The following CNTNAP5 variants were observed in gnomAD, a reference collection of about 807,000 sequenced individuals.
The protein encoded by CNTNAP5 is contactin-associated protein-like 5.
CNTNAP5 carries 72 observed loss-of-function variants against 150.2 expected under a neutral mutation model. That is an observed-to-expected ratio of 0.48 (90% confidence interval 0.40 to 0.58). The LOEUF is 0.58. CNTNAP5 is among the 20% of genes least tolerant of loss of function. The probability of loss-of-function intolerance (pLI) is 0.00; values close to 1 mark genes in which losing one functional copy is unlikely to be tolerated. For synonymous variants in CNTNAP5, 672 were observed against 619.8 expected (o/e 1.08, Z -1.25); for missense variants, 1,636 against 1,626.2 (o/e 1.01, Z -0.10).
intron 3 of CNTNAP5, among the ~76,000 whole-genome samples, chr2:124,360,595 T>G: frequency 7.3e-6 from 1 of 137,814 alleles, no homozygotes; most frequent in African/African-American, 2.7e-5. Flanking sequence ...TATGAAATTC[T>G]GGGTTGAAAA....
At chr2:124,432,391 C>A (rs1323960948) in intron 4 of CNTNAP5, among the ~76,000 whole-genome samples, 1 of 152,120 alleles carries the variant, frequency 6.6e-6, no homozygotes, top group Admixed American at 6.5e-5. Context: ...ACACTGGGTC[C>A]CTCCTTTCCC....
chr2:124,408,564 G>T (rs2104766469), intron 3 of CNTNAP5, among the ~76,000 whole-genome samples: 1 of 151,972 alleles, frequency 6.6e-6, no homozygotes, highest in South Asian at 2.1e-4. Flanking sequence ...CTCCTCAAGT[G>T]GGTCCCTGAC....
intron 3 of CNTNAP5, among the ~76,000 whole-genome samples, chr2:124,257,033 G>A (rs1687331137): frequency 6.6e-6 from 1 of 152,100 alleles, no homozygotes; most frequent in African/African-American, 2.4e-5. Context: ...AGATACTAGA[G>A]CAATGCATAT....
At chr2:124,800,242 T>C (rs1380722581) in intron 19 of CNTNAP5, among the ~76,000 whole-genome samples, 2 of 152,202 alleles carry the variant, frequency 1.3e-5, no homozygotes, top group East Asian at 3.9e-4. Flanking sequence ...ATGCGAGATT[T>C]TTTCCAAAGC....
At chr2:124,109,673 C>T (rs1354925052) in intron 1 of CNTNAP5, among the ~76,000 whole-genome samples, 1 of 152,162 alleles carries the variant, frequency 6.6e-6, no homozygotes, top group Non-Finnish European at 1.5e-5. Context: ...AGCTGGTGAG[C>T]CACAGGTGTG....
At chr2:124,708,870 G>T (rs2105101040) in intron 13 of CNTNAP5, among the ~76,000 whole-genome samples, 1 of 152,252 alleles carries the variant, frequency 6.6e-6, no homozygotes, top group Non-Finnish European at 1.5e-5. Flanking sequence ...TATCTTTGGT[G>T]AAATCTTACC....
chr2:124,618,660 G>C (rs761151833), intron 12 of CNTNAP5, among the ~76,000 whole-genome samples: 1 of 152,144 alleles, frequency 6.6e-6, no homozygotes, highest in Non-Finnish European at 1.5e-5. Flanking sequence ...AATGCTTTTA[G>C]TCAGCCTTCC....
chr2:124,343,572 A>C (rs1054144418), intron 3 of CNTNAP5, among the ~76,000 whole-genome samples: 2 of 152,198 alleles, frequency 1.3e-5, no homozygotes, highest in Admixed American at 6.5e-5. Flanking sequence ...ATGTAGCCAG[A>C]GTGACAATAA....
chr2:124,543,310 TA>T (rs35714087), intron 10 of CNTNAP5, among the ~76,000 whole-genome samples: 63,859 of 149,566 alleles, frequency 0.43, 13,933 homozygotes, highest in East Asian at 0.61. Context: ...TCTTGTGCCT[TA>T]AAAAAAAAAA....
intron 13 of CNTNAP5, among the ~76,000 whole-genome samples, chr2:124,740,060 A>G (rs1464192529): frequency 6.6e-6 from 1 of 150,578 alleles, no homozygotes; most frequent in East Asian, 1.9e-4. Context: ...ACATCATTAC[A>G]TTTAATTATA....
chr2:124,379,368 C>A (rs145998165), intron 3 of CNTNAP5, among the ~76,000 whole-genome samples: 35 of 152,160 alleles, frequency 2.3e-4, no homozygotes, highest in African/African-American at 7.2e-4. Flanking sequence ...CAGCTGCTGA[C>A]CTTTTTGCTG....
Position 124,625,903 on chromosome 2 carries a change from G to A in CNTNAP5, c.1876+15983G>A, listed in dbSNP as rs74776024. 9.6e-3 allele frequency among the ~76,000 whole-genome samples: 1,463 copies of A among 152,222 alleles called. 21 individuals carry two copies. The highest frequency in any genetic ancestry group is 0.032 in the African/African-American group (1,341 of 41,530). On this transcript the variant is annotated intron_variant, in intron 12 of 23. Transcript: ENST00000682447. ...TATTTATTCGTACAACTATCCTGTA[G>A]CAACTTGACAATGGAATCCTGGTCA...
chr2:124,702,486 G>T (rs1307505477), intron 13 of CNTNAP5, among the ~76,000 whole-genome samples: 1 of 146,478 alleles, frequency 6.8e-6, no homozygotes, highest in African/African-American at 2.5e-5. Context: ...CTTTAGGGAT[G>T]TGGACATTGC....
chr2:124,734,970 A>C (rs1680351653), intron 13 of CNTNAP5, among the ~76,000 whole-genome samples: 1 of 152,178 alleles, frequency 6.6e-6, no homozygotes. Context: ...AGTGTGAAGT[A>C]AATGAAGAAT....
chr2:124,613,208 A>G (rs1677422080), intron 12 of CNTNAP5, among the ~76,000 whole-genome samples: 1 of 152,222 alleles, frequency 6.6e-6, no homozygotes, highest in Non-Finnish European at 1.5e-5. Context: ...TATAAGTTGA[A>G]TGTTGTTAAA....
chr2:124,787,738 A>G (rs1341520334), intron 17 of CNTNAP5, among the ~76,000 whole-genome samples: 1 of 152,162 alleles, frequency 6.6e-6, no homozygotes, highest in Non-Finnish European at 1.5e-5. Flanking sequence ...AATGCCAGGA[A>G]TTCTTTAAAT....
intron 11 of CNTNAP5, 27 bp downstream of exon 11, chr2:124,563,350 G>C (rs1695937909): frequency 7.0e-7 from 1 of 1,426,676 alleles, no homozygotes; most frequent in African/African-American, 1.4e-5. Context: ...TTTGCCCCTG[G>C]TGGCTTGGAC....
intron 3 of CNTNAP5, among the ~76,000 whole-genome samples, chr2:124,379,554 A>T (rs993038477): frequency 6.6e-6 from 1 of 152,082 alleles, no homozygotes; most frequent in Non-Finnish European, 1.5e-5. Flanking sequence ...CTATTTACCC[A>T]CTGAAGGACA....
At chr2:124,679,037 A>T (rs1392951899) in intron 13 of CNTNAP5, among the ~76,000 whole-genome samples, 1 of 151,962 alleles carries the variant, frequency 6.6e-6, no homozygotes, top group Admixed American at 6.7e-5. Flanking sequence ...TTCAGGCAGG[A>T]AAGCAGAAAG....
Sources: allele counts gnomAD v4.1 joint callset (sites outside exome capture counted in the v4.1 genomes callset), GRCh38; gene constraint gnomAD v4.1.1; transcripts MANE v1.5; gene names NCBI Gene and HGNC (gene_info 2026-07-23, HGNC 2026-07-21).